FAM161A: variants seen among roughly 807,000 people sequenced by gnomAD.
The protein encoded by FAM161A is protein FAM161A.
In FAM161A, 57 loss-of-function variants were observed where a neutral mutation model predicts 70.9. That is an observed-to-expected ratio of 0.80 (90% CI 0.65 to 1.00). FAM161A has a LOEUF of 1.00. Among genes scored for constraint, FAM161A ranks in the 50% least tolerant of loss-of-function variants. The pLI, the probability that FAM161A is intolerant of heterozygous loss-of-function variation, is 0.00. For missense variants in FAM161A, 880 were observed against 836.0 expected (o/e 1.05, Z -0.65); for synonymous variants, 299 against 295.7 (o/e 1.01, Z -0.12).
intron 4 of FAM161A, chr2:61,836,367 G>A: frequency 3.0e-6 from 1 of 333,390 alleles, no homozygotes; most frequent in South Asian, 4.3e-5. Context: ...GGAATAGTCT[G>A]GACACTTTAA....
rs765485070 is a variant in FAM161A at position 61,838,570 on chromosome 2, A to G, written c.1719T>C (p.Ala573=). Residue 573 remains alanine (A), a synonymous_variant, in exon 4 of 7, where the codon GCT becomes GCC. Transcript: ENST00000404929. ...AKAYDSHQSL[A]QISKSRVKCL... ...ATTTTACTCTGGATTTAGATATTTG[A>G]GCTAAACTTTGATGTGAGTCATAAG... The G allele has an allele frequency of 6.2e-7, 1 of 1,611,090 alleles. No homozygotes were observed. The highest frequency in any genetic ancestry group is 2.2e-5 in the East Asian group (1 of 44,786).
chr2:61,812,020 C>T, the FAM161A span, among the ~76,000 whole-genome samples: 27 of 152,210 alleles, frequency 1.8e-4, no homozygotes, highest in Non-Finnish European at 3.2e-4. Context: ...GCCCAGGGTA[C>T]GTTCTGTTCC....
chr2:61,849,092 T>A (rs865875371), intron 1 of FAM161A, among the ~76,000 whole-genome samples: 2 of 36,070 alleles, frequency 5.5e-5, no homozygotes, highest in Non-Finnish European at 1.0e-4. Context: ...ATATATATAT[T>A]TAAATATATA....
chr2:61,828,633 CTTTTA>C (rs750064630), intron 5 of FAM161A, among the ~76,000 whole-genome samples: 3 of 152,074 alleles, frequency 2.0e-5, no homozygotes, highest in Non-Finnish European at 1.5e-5. Flanking sequence ...CAGCCAATTT[CTTTTA>C]TTTTATGTAT....
intron 1 of FAM161A, among the ~76,000 whole-genome samples, chr2:61,851,978 A>C (rs1037392067): frequency 1.3e-5 from 2 of 152,166 alleles, no homozygotes; most frequent in Admixed American, 6.6e-5. Context: ...AACCTTTAAA[A>C]ATCAAGATGG....
At chr2:61,800,459 C>T in the FAM161A span, among the ~76,000 whole-genome samples, 46 of 152,316 alleles carry the variant, frequency 3.0e-4, 1 homozygote, top group African/African-American at 9.6e-4. Flanking sequence ...CTCCCGGTAC[C>T]GTCGTTAGAT....
At position 61,842,173 on chromosome 2, in the gene FAM161A, T is replaced by G; in HGVS notation, c.371A>C (p.Lys124Thr). 1 of 1,613,892 alleles carries G rather than the reference T, an allele frequency of 6.2e-7. No individual in the cohort carries two copies. The highest frequency in any genetic ancestry group is 8.5e-7 in the Non-Finnish European group (1 of 1,179,760). ...TCTGATGACCACTGGCTGAACTTCC[T>G]TTAAATGTAATTTATCCTGGTACAT... ...EKMYQDKLHL[K>T]EVQPVVIRED... Residue 124 changes from lysine to threonine, a missense_variant, in exon 2 of 7, where the codon AAG becomes ACG. Physicochemically the swap from Lys to Thr is moderately conservative, Grantham distance 78. Coordinates refer to ENST00000404929, the MANE Select transcript of FAM161A (RefSeq NM_001201543.2).
chr2:61,836,095 T>C lies in FAM161A; in HGVS notation c.1766A>G (p.Glu589Gly). ...RVKCLRKSEKERMREYQRELE... is the reference protein window; with the variant it reads ...RVKCLRKSEKGRMREYQRELE... ...TTCTCGTTGGTATTCTCTCATCCTT[T>C]CCTTTTCGCTCTTTCTAAAATTAAA... is the stretch of plus-strand genomic sequence containing the variant. The change falls in exon 5 of 7, where the codon GAA (glutamate) becomes GGA (glycine). Residue 589 changes from glutamate (E) to glycine (G), a missense_variant. Glu to Gly is a moderately conservative substitution (Grantham distance 98). Transcript: ENST00000404929. 6.2e-7 allele frequency: 1 copy of C among 1,607,844 alleles called. No individual in the cohort carries two copies. Among genetic ancestry groups the C allele is most frequent in the Non-Finnish European group, 8.5e-7 (1 of 1,177,134 alleles).
At chr2:61,827,339 G>GC in intron 5 of FAM161A, 81 bp from the exon 6 acceptor site, 1 of 1,416,534 alleles carries the variant, frequency 7.1e-7, no homozygotes, top group Non-Finnish European at 9.8e-7. Flanking sequence ...GGCCAGGCGC[G>GC]GTGGCTCACG....
chr2:61,807,795 C>G, the FAM161A span, among the ~76,000 whole-genome samples: 1 of 151,974 alleles, frequency 6.6e-6, no homozygotes, highest in Non-Finnish European at 1.5e-5. Context: ...CACACAGCAC[C>G]ACACCTGGCT....
intron 1 of FAM161A, among the ~76,000 whole-genome samples, chr2:61,850,331 G>T (rs1470505886): frequency 6.6e-6 from 1 of 152,140 alleles, no homozygotes; most frequent in Non-Finnish European, 1.5e-5. Context: ...GGGAGGTGGA[G>T]GTTGTGGTGA....
chr2:61,803,396 A>G, the FAM161A span: 2 of 695,354 alleles, frequency 2.9e-6, no homozygotes, highest in Admixed American at 1.9e-5. Context: ...AAGCAACAAA[A>G]GGAATGCAAG....
chr2:61,801,496 C>CA, the FAM161A span, among the ~76,000 whole-genome samples: 36,684 of 127,908 alleles, frequency 0.29, 4,913 homozygotes, highest in African/African-American at 0.37. Flanking sequence ...GGCTCCGTCT[C>CA]AAAAAAAAAA....
At chr2:61,846,065 G>A (rs967681595) in intron 1 of FAM161A, among the ~76,000 whole-genome samples, 2 of 132,026 alleles carry the variant, frequency 1.5e-5, no homozygotes, top group African/African-American at 5.7e-5. Flanking sequence ...CTATAGCTTC[G>A]GCGATCAAGC....
downstream of FAM161A, among the ~76,000 whole-genome samples, chr2:61,823,799 T>C (rs977265473): frequency 4.6e-5 from 7 of 151,908 alleles, no homozygotes; most frequent in Non-Finnish European, 7.4e-5. Flanking sequence ...AGTAATATTA[T>C]GAAAGAAAAA....
chr2:61,852,938 C>CTTTT (rs5831624), intron 1 of FAM161A, among the ~76,000 whole-genome samples: 1 of 66,444 alleles, frequency 1.5e-5, no homozygotes, highest in Non-Finnish European at 3.0e-5. Context: ...AGATTCCCAT[C>CTTTT]TTTTTTTTTT....
the FAM161A span, among the ~76,000 whole-genome samples, chr2:61,801,635 C>T: frequency 4.7e-5 from 7 of 150,200 alleles, no homozygotes; most frequent in African/African-American, 1.7e-4. Flanking sequence ...CGCACGATCT[C>T]GGCTCACTGC....
At chr2:61,846,781 TGC>T in intron 1 of FAM161A, 1 of 357,644 alleles carries the variant, frequency 2.8e-6, no homozygotes, top group Non-Finnish European at 5.6e-6. Context: ...GCCCTCTGAC[TGC>T]TTCCTGTCGG....
At chr2:61,811,825 C>G in the FAM161A span, among the ~76,000 whole-genome samples, 2 of 152,130 alleles carry the variant, frequency 1.3e-5, no homozygotes, top group Non-Finnish European at 2.9e-5. Context: ...CATTTAAAAC[C>G]CAAGTCCCTG....
Sources: allele counts gnomAD v4.1 joint callset (sites outside exome capture counted in the v4.1 genomes callset), GRCh38; gene constraint gnomAD v4.1.1; transcripts MANE v1.5; gene names NCBI Gene and HGNC (gene_info 2026-07-23, HGNC 2026-07-21).